The following LRRC72 variants were observed in gnomAD, a reference collection of about 807,000 sequenced individuals.
LRRC72 encodes leucine rich repeat containing 72, also known as leucine-rich repeat-containing protein 72.
A neutral mutation model predicts 35.8 loss-of-function variants in LRRC72; 41 were observed. The ratio of observed to expected loss-of-function variants is 1.15; its 90% CI spans 0.89 to 1.49. LRRC72 has a LOEUF of 1.49. Ranked by LOEUF, LRRC72 falls within the 40% of genes most tolerant of loss-of-function variation. The pLI, the probability that LRRC72 is intolerant of heterozygous loss-of-function variation, is 0.00. For missense variants in LRRC72, 389 were observed against 330.7 expected (o/e 1.18, Z -1.37); for synonymous variants, 118 against 119.2 (o/e 0.99, Z 0.07).
Position 16,567,524 on chromosome 7 carries a change from A to G in LRRC72, c.651A>G (p.Pro217=), listed in dbSNP as rs1782869239. The change falls in exon 7 of 9, where the codon CCA becomes CCG. Residue 217 remains proline, a synonymous_variant. Coordinates refer to ENST00000401542, the MANE Select transcript of LRRC72 (RefSeq NM_001195280.2). ...CTAAATCACCATTTAAGCAAAAACC[A>G]GCCCAGAGAGTACCTTCAGGTATTT... is the stretch of plus-strand genomic sequence containing the variant. ...WDPKSPFKQK[P]AQRVPSDFAF... The G allele has an allele frequency of 3.5e-6, 5 of 1,439,588 alleles. No homozygotes were observed. The highest frequency in any genetic ancestry group is 2.8e-6 in the Non-Finnish European group (3 of 1,086,892). 89.2% of individuals were successfully genotyped at this position (1,439,588 alleles called of 1,614,324 possible). A position where few individuals can be genotyped will look rare whatever the true frequency, so the allele number is the denominator to read the frequency against.
chr7:16,550,323 C>A (rs147351145), intron 3 of LRRC72, among the ~76,000 whole-genome samples: 2 of 152,294 alleles, frequency 1.3e-5, no homozygotes, highest in Non-Finnish European at 2.9e-5. Context: ...ATCTCTAAAT[C>A]GATGTTCTTC....
rs1782865266 is a variant in LRRC72, at chr7:16,567,443, G to C, written c.570G>C (p.Lys190Asn). Reference sequence around the variant, plus strand: ...TGATTACCATTTTTAACCATAAAAAGGCTCATATCGTTCAATCAATAGCAT... The same window carrying C: ...TGATTACCATTTTTAACCATAAAAACGCTCATATCGTTCAATCAATAGCAT... ...RSMITIFNHK[K>N]AHIVQSIAFG... is the part of the protein sequence containing the mutation. Residue 190 changes from lysine to asparagine, a missense_variant, in exon 7 of 9, where the codon AAG becomes AAC. Lys to Asn is a moderately conservative substitution (Grantham distance 94, BLOSUM62 0). Coordinates refer to ENST00000401542, the MANE Select transcript of LRRC72 (RefSeq NM_001195280.2). 1.3e-6 allele frequency: 2 copies of C among 1,525,210 alleles called. No homozygotes were observed. Among genetic ancestry groups the C allele is most frequent in the South Asian group, 2.5e-5 (2 of 79,146 alleles). 94.5% of individuals were successfully genotyped at this position (1,525,210 alleles called of 1,614,324 possible).
intron 7 of LRRC72, among the ~76,000 whole-genome samples, 183 bp downstream of exon 7, chr7:16,567,726 G>T (rs112973477): frequency 4.7e-4 from 71 of 152,092 alleles, no homozygotes; most frequent in African/African-American, 1.5e-3. Flanking sequence ...AAGTAGGTAT[G>T]CAATTTTCAT....
chr7:16,557,438 G>T lies in LRRC72; in HGVS notation c.313G>T (p.Glu105Ter). 8.2e-7 allele frequency: 1 copy of T among 1,215,640 alleles called. No individual in the cohort carries two copies. The highest frequency in any genetic ancestry group is 1.1e-6 in the Non-Finnish European group (1 of 921,278). 75.3% of individuals were successfully genotyped at this position (1,215,640 alleles called of 1,614,324 possible). A position where few individuals can be genotyped will look rare whatever the true frequency, so the allele number is the denominator to read the frequency against. The change falls in exon 4 of 9, where the codon GAA becomes TAA. Residue 105 changes from glutamate (E) to a stop codon, truncating the protein, a stop_gained. Transcript: ENST00000401542. LOFTEE classifies it high-confidence loss of function. ...YLNNNAIFEI[E>*]GLHYLPSLHI... ...AAACAACAATGCAATATTTGAGATAGAAGGTACGTCTTAAATTCTCTGTTG... is the reference window on the plus strand; with the variant it reads ...AAACAACAATGCAATATTTGAGATATAAGGTACGTCTTAAATTCTCTGTTG...
chr7:16,558,237 C>G (rs774244260), intron 4 of LRRC72, among the ~76,000 whole-genome samples: 1 of 152,058 alleles, frequency 6.6e-6, no homozygotes. Flanking sequence ...AAAAAAACCC[C>G]AAAACTAAAA....
intron 2 of LRRC72, among the ~76,000 whole-genome samples, chr7:16,535,795 A>C (rs1257491331): frequency 3.3e-5 from 5 of 152,210 alleles, no homozygotes; most frequent in Non-Finnish European, 7.3e-5. Flanking sequence ...AATAGGAAAC[A>C]ATCCAAAAAA....
intron 8 of LRRC72, 99 bp downstream of exon 8, chr7:16,580,200 A>C (rs1402636647): frequency 4.9e-6 from 1 of 204,360 alleles, no homozygotes; most frequent in African/African-American, 2.4e-5. Flanking sequence ...TAATGAATTA[A>C]AAAATGACTC....
chr7:16,532,351 C>T (rs1404172), intron 1 of LRRC72, 144 bp from the exon 2 acceptor site: 1 of 603,686 alleles, frequency 1.7e-6, no homozygotes, highest in Non-Finnish European at 3.0e-6. Flanking sequence ...TAATTGTAGC[C>T]TTGGAATTTA....
intron 2 of LRRC72, 183 bp downstream of exon 2, chr7:16,532,751 TA>T (rs11284325): frequency 0.66 from 337,452 of 514,084 alleles, 90,392 homozygotes; most frequent in African/African-American, 0.88. Context: ...TGAAATTGAT[TA>T]AAAAAAAAAA....
At chr7:16,560,677 A>C (rs1227812099) in intron 5 of LRRC72, among the ~76,000 whole-genome samples, 1 of 151,536 alleles carries the variant, frequency 6.6e-6, no homozygotes, top group Non-Finnish European at 1.5e-5. Context: ...AAACATTAAG[A>C]TAACTCTGTT....
intron 7 of LRRC72, among the ~76,000 whole-genome samples, chr7:16,567,951 A>G (rs915311115): frequency 6.6e-6 from 1 of 152,172 alleles, no homozygotes; most frequent in African/African-American, 2.4e-5. Context: ...ATCATCTGCA[A>G]TTCTACCATG....
In LRRC72 at chr7:16,561,912, G is replaced by T. The variant is rs566878474; in HGVS notation, c.427+2913G>T. Among the ~76,000 whole-genome samples, 19 of 152,292 alleles carry T rather than the reference G, an allele frequency of 1.2e-4. No homozygotes were observed. In the East Asian group the frequency reaches 3.5e-3, roughly 28 times the overall value. ...AGAACTCTATGTATTTTCAAATGTA[G>T]TCATTTTTGTCTTTTTAAGTTGTAA... On this transcript the variant is annotated intron_variant, in intron 5 of 8. Coordinates refer to ENST00000401542, the MANE Select transcript of LRRC72 (RefSeq NM_001195280.2).
intron 4 of LRRC72, among the ~76,000 whole-genome samples, chr7:16,557,725 GT>G (rs1782675124): frequency 6.6e-6 from 1 of 152,070 alleles, no homozygotes; most frequent in Non-Finnish European, 1.5e-5. Context: ...TTTAACAATA[GT>G]TGGGAGCATT....
At chr7:16,543,904 G>C (rs1167843956) in intron 3 of LRRC72, among the ~76,000 whole-genome samples, 1 of 152,156 alleles carries the variant, frequency 6.6e-6, no homozygotes, top group Non-Finnish European at 1.5e-5. Flanking sequence ...TTCTGCACGT[G>C]GTGATATGAG....
In LRRC72 at chr7:16,563,901, A is replaced by C. The variant is rs558660998; in HGVS notation, c.428-2412A>C. 1.6e-4 allele frequency among the ~76,000 whole-genome samples: 25 copies of C among 152,354 alleles called. No individual in the cohort carries two copies. In the South Asian group the frequency reaches 4.8e-3, roughly 29 times the overall value. ...GAGATGAATGGTCAACCACAAGTCC[A>C]TAGAGTTTTTAGTATCAATATGTTG... is the stretch of plus-strand genomic sequence containing the variant. On this transcript the variant is annotated intron_variant, in intron 5 of 8. Transcript: ENST00000401542.
chr7:16,563,441 G>A (rs1456010908), intron 5 of LRRC72, among the ~76,000 whole-genome samples: 2 of 152,156 alleles, frequency 1.3e-5, no homozygotes, highest in Non-Finnish European at 2.9e-5. Flanking sequence ...GACAGTGCTG[G>A]CGCCACTGAG....
At chr7:16,539,479 G>C (rs1446452573) in intron 3 of LRRC72, among the ~76,000 whole-genome samples, 1 of 152,198 alleles carries the variant, frequency 6.6e-6, no homozygotes, top group Non-Finnish European at 1.5e-5. Flanking sequence ...GAACATAAAA[G>C]CTTAGAAAAT....
At chr7:16,557,631 T>G (rs1367529035) in intron 4 of LRRC72, among the ~76,000 whole-genome samples, 190 bp downstream of exon 4, 4 of 152,230 alleles carry the variant, frequency 2.6e-5, no homozygotes. Context: ...ACTTTTCTAA[T>G]TTAATATTGC....
At chr7:16,541,326 A>C (rs1023881460) in intron 3 of LRRC72, among the ~76,000 whole-genome samples, 13 of 152,376 alleles carry the variant, frequency 8.5e-5, no homozygotes, top group Admixed American at 7.8e-4. Context: ...TTGAGTTTTC[A>C]GTAGTCATCT....
Sources: allele counts gnomAD v4.1 joint callset (sites outside exome capture counted in the v4.1 genomes callset), GRCh38; gene constraint gnomAD v4.1.1; transcripts MANE v1.5; gene names NCBI Gene and HGNC (gene_info 2026-07-23, HGNC 2026-07-21).